Variants in TRPM3 observed in about 807,000 individuals in gnomAD.
The protein encoded by TRPM3 is long transient receptor potential channel 3.
Under a neutral mutation model 181.2 loss-of-function variants are expected in TRPM3, and 77 were observed. The ratio of observed to expected loss-of-function variants is 0.42; its 90% CI spans 0.35 to 0.51. TRPM3 has a LOEUF of 0.51. TRPM3 is among the 20% of genes least tolerant of loss of function. The pLI, the probability that TRPM3 is intolerant of heterozygous loss-of-function variation, is 0.01. For missense variants in TRPM3, 1,759 were observed against 2,196.7 expected, an observed-to-expected ratio of 0.80 and a Z score of 3.98; for synonymous variants, 745 against 796.4, an observed-to-expected ratio of 0.94 and a Z score of 1.09.
chr9:71,280,078 CAAA>C (rs36019274), intron 1 of TRPM3, among the ~76,000 whole-genome samples: 13 of 105,698 alleles, frequency 1.2e-4, no homozygotes, highest in African/African-American at 1.5e-4. Flanking sequence ...AACTCCATCT[CAAA>C]AAAAAAAAAA....
At chr9:70,836,150 C>T (rs1289151808) in intron 5 of TRPM3, among the ~76,000 whole-genome samples, 1 of 152,124 alleles carries the variant, frequency 6.6e-6, no homozygotes, top group African/African-American at 2.4e-5. Flanking sequence ...CACATGTGTA[C>T]TCTCTCCCAT....
chr9:70,951,198 A>G (rs1275025068), intron 1 of TRPM3, among the ~76,000 whole-genome samples: 1 of 152,192 alleles, frequency 6.6e-6, no homozygotes. Context: ...AATGTAAAAG[A>G]TCCAGGAAAA....
At chr9:71,229,884 A>G (rs942446955) in intron 1 of TRPM3, among the ~76,000 whole-genome samples, 10 of 152,180 alleles carry the variant, frequency 6.6e-5, no homozygotes, top group Admixed American at 1.3e-4. Flanking sequence ...GAGGTTTCTC[A>G]AAAAACTAAA....
intron 9 of TRPM3, among the ~76,000 whole-genome samples, chr9:70,648,081 G>A (rs2059135106): frequency 6.6e-6 from 1 of 152,186 alleles, no homozygotes; most frequent in Non-Finnish European, 1.5e-5. Context: ...CATGCTCATG[G>A]ATAGGAATTA....
In TRPM3 at chr9:70,531,149, C is replaced by T. The variant is rs2040822701; in HGVS notation, c.*4804G>A. 2.0e-5 allele frequency: 3 copies of T among 152,206 alleles called. No homozygotes were observed. Among genetic ancestry groups the T allele is most frequent in the Admixed American group, 6.5e-5 (1 of 15,280 alleles). 9.4% of individuals were successfully genotyped at this position (152,206 alleles called of 1,614,324 possible). ...TTTGCACCCAGTAGCTCTGAAGAAT[C>T]AGAAATGTGTCTTGCATATATCACA... On this transcript the variant is annotated 3_prime_UTR_variant, in exon 26 of 26. Transcript: ENST00000677713.
intron 1 of TRPM3, among the ~76,000 whole-genome samples, chr9:71,120,576 C>T (rs1263603204): frequency 1.3e-5 from 2 of 152,152 alleles, no homozygotes; most frequent in Non-Finnish European, 2.9e-5. Flanking sequence ...ACAATACTTT[C>T]CCACTACTGA....
chr9:70,848,703 C>A (rs1259825633), intron 3 of TRPM3, among the ~76,000 whole-genome samples: 1 of 28,760 alleles, frequency 3.5e-5, no homozygotes, highest in Admixed American at 3.3e-4. Flanking sequence ...CCTGGCCGGG[C>A]GCGGTGGCTC....
intron 7 of TRPM3, among the ~76,000 whole-genome samples, chr9:70,764,655 T>C (rs1181760337): frequency 1.3e-5 from 2 of 152,180 alleles, no homozygotes; most frequent in East Asian, 1.9e-4. Flanking sequence ...ACAAGAACCA[T>C]AGAATTCTAG....
At chr9:70,824,737 T>C (rs1307306808) in intron 6 of TRPM3, 3 of 152,238 alleles carry the variant, frequency 2.0e-5, no homozygotes, top group Non-Finnish European at 4.4e-5. Context: ...TAAAATTTTA[T>C]TTTTAAAAGG....
intron 1 of TRPM3, among the ~76,000 whole-genome samples, chr9:71,027,266 A>G (rs1240301048): frequency 1.3e-5 from 2 of 152,156 alleles, no homozygotes; most frequent in Non-Finnish European, 2.9e-5. Context: ...ACCTTATACC[A>G]TCATCAAACC....
chr9:71,087,138 T>C lies in TRPM3; in HGVS notation c.177+34040A>G, dbSNP rs1483373115. 2.6e-5 allele frequency among the ~76,000 whole-genome samples: 4 copies of C among 152,082 alleles called. 1 individual carries two copies. The South Asian group carries it at 6.2e-4, about 24-fold the overall frequency. ...CTGGGAAATTAAAGCCAGACCCTCA[T>C]CCCTCAGCAAGAACTTTTTAACCCA... is the stretch of plus-strand genomic sequence containing the variant. On this transcript the variant is annotated intron_variant, in intron 1 of 25. Transcript: ENST00000677713.
intron 1 of TRPM3, among the ~76,000 whole-genome samples, chr9:71,217,068 A>C (rs1301144382): frequency 6.9e-6 from 1 of 144,310 alleles, no homozygotes; most frequent in Non-Finnish European, 1.5e-5. Context: ...CTCCTGCCTC[A>C]GCCTCCCGAG....
intron 7 of TRPM3, among the ~76,000 whole-genome samples, chr9:70,780,056 T>A (rs1478906322): frequency 6.6e-6 from 1 of 152,206 alleles, no homozygotes; most frequent in African/African-American, 2.4e-5. Context: ...TAATCTCAAC[T>A]ACAAAAACTA....
chr9:70,535,468 T>C lies in TRPM3; in HGVS notation c.*485A>G. 6.4e-7 allele frequency: 1 copy of C among 1,550,586 alleles called. No homozygotes were observed. Among genetic ancestry groups the C allele is most frequent in the African/African-American group, 1.4e-5 (1 of 73,174 alleles). ...GAGGATGCTCTTCATCAGTCACCAG[T>C]GATGGAGCCAATGTGAAAAGAAAAC... On this transcript the variant is annotated 3_prime_UTR_variant, in exon 26 of 26. Transcript: ENST00000677713.
intron 1 of TRPM3, among the ~76,000 whole-genome samples, chr9:70,996,263 A>G (rs1368792556): frequency 1.3e-5 from 2 of 152,188 alleles, no homozygotes; most frequent in Admixed American, 1.3e-4. Flanking sequence ...ACAGGGGCTC[A>G]TTTTGCTCAG....
chr9:71,382,383 T>TA (rs555972498), intron 1 of TRPM3, among the ~76,000 whole-genome samples: 53 of 151,816 alleles, frequency 3.5e-4, no homozygotes, highest in Admixed American at 6.6e-4. Flanking sequence ...ACTTTACAGG[T>TA]AAAAAAAATG....
intron 1 of TRPM3, among the ~76,000 whole-genome samples, chr9:71,035,018 T>C (rs1029766482): frequency 5.9e-5 from 9 of 152,190 alleles, no homozygotes; most frequent in African/African-American, 2.2e-4. Flanking sequence ...TTATTCCTTG[T>C]TTACAGCGGC....
At chr9:70,742,768 G>A (rs1267789850) in intron 8 of TRPM3, among the ~76,000 whole-genome samples, 1 of 152,098 alleles carries the variant, frequency 6.6e-6, no homozygotes, top group Admixed American at 6.6e-5. Context: ...TACCATGAGA[G>A]GTTATTTTGA....
chr9:70,961,937 T>G (rs1390904257), intron 1 of TRPM3, among the ~76,000 whole-genome samples: 1 of 152,192 alleles, frequency 6.6e-6, no homozygotes, highest in Non-Finnish European at 1.5e-5. Flanking sequence ...TCTAATTTTT[T>G]GAATTAGCAT....
Sources: gnomAD v4.1 joint callset for allele counts (sites outside exome capture counted in the v4.1 genomes callset) on GRCh38, gnomAD v4.1.1 for gene constraint, MANE v1.5 for transcripts, NCBI Gene and HGNC (gene_info 2026-07-23, HGNC 2026-07-21) for gene names.